The following STT3B variants were observed in gnomAD, a reference collection of about 807,000 sequenced individuals.
The protein encoded by STT3B is dolichyl-diphosphooligosaccharide--protein glycosyltransferase subunit STT3B.
A neutral mutation model predicts 96.8 loss-of-function variants in STT3B; 29 were observed. The ratio of observed to expected loss-of-function variants is 0.30; its 90% CI spans 0.22 to 0.41. STT3B has a LOEUF of 0.41. Among genes scored for constraint, STT3B ranks in the 10% least tolerant of loss-of-function variants. The probability of loss-of-function intolerance (pLI) is 1.00; values close to 1 mark genes in which losing one functional copy is unlikely to be tolerated. For synonymous variants in STT3B, 367 were observed against 360.0 expected, an observed-to-expected ratio of 1.02 and a Z score of -0.22; for missense variants, 640 against 1,022.3, an observed-to-expected ratio of 0.63 and a Z score of 5.10.
At chr3:31,617,873 A>C in intron 7 of STT3B, 67 bp from the exon 8 acceptor site, 2 of 1,066,964 alleles carry the variant, frequency 1.9e-6, no homozygotes, top group Non-Finnish European at 2.9e-6. Context: ...AATAAACATA[A>C]AGGCAATAAA....
At chr3:31,549,101 T>A (rs1433634919) in intron 1 of STT3B, among the ~76,000 whole-genome samples, 2 of 152,152 alleles carry the variant, frequency 1.3e-5, no homozygotes, top group Non-Finnish European at 2.9e-5. Context: ...AGATGTTTTA[T>A]TTGATAGATG....
At position 31,564,112 on chromosome 3, in the gene STT3B, A is replaced by G. The variant is rs550968393; in HGVS notation, c.315-12284A>G. Among the ~76,000 whole-genome samples, 161 of 152,298 alleles carry G rather than the reference A, an allele frequency of 1.1e-3. 2 individuals carry two copies. The highest frequency in any genetic ancestry group is 3.7e-3 in the African/African-American group (155 of 41,570). ...TTAATTAAACCAGTTACACTATTTTAGTGCCCTCTATCTGAATAGTATATT... is the reference window on the plus strand; with the variant it reads ...TTAATTAAACCAGTTACACTATTTTGGTGCCCTCTATCTGAATAGTATATT... On this transcript the variant is annotated intron_variant, in intron 1 of 15. Transcript: ENST00000295770.
At chr3:31,533,383 A>C in intron 1 of STT3B, 71 bp downstream of exon 1, 1 of 1,389,544 alleles carries the variant, frequency 7.2e-7, no homozygotes, top group East Asian at 3.3e-5. Flanking sequence ...CGCCCGCCGC[A>C]GCTCTCCTCG....
intron 1 of STT3B, among the ~76,000 whole-genome samples, chr3:31,563,841 G>C (rs1697937824): frequency 6.6e-6 from 1 of 152,162 alleles, no homozygotes; most frequent in African/African-American, 2.4e-5. Flanking sequence ...GTCTTGCTCT[G>C]TCACCCAGGC....
chr3:31,554,191 C>T (rs1697636953), intron 1 of STT3B, among the ~76,000 whole-genome samples: 1 of 152,118 alleles, frequency 6.6e-6, no homozygotes, highest in Non-Finnish European at 1.5e-5. Context: ...TTTTAAGAAA[C>T]AAATTGTGGT....
At chr3:31,603,196 G>A (rs530918169) in intron 5 of STT3B, among the ~76,000 whole-genome samples, 130 of 152,174 alleles carry the variant, frequency 8.5e-4, no homozygotes, top group African/African-American at 2.9e-3. Flanking sequence ...TAAATGACTT[G>A]AATTATTTTA....
intron 2 of STT3B, among the ~76,000 whole-genome samples, chr3:31,579,477 TAAAAAAAAAAAAAAA>T (rs1173591549): frequency 1.2e-4 from 8 of 67,446 alleles, no homozygotes; most frequent in South Asian, 7.3e-4. Flanking sequence ...CCTGTTTTGA[TAAAAAAAAAAAAAAA>T]AAAAAAAAAA....
intron 1 of STT3B, among the ~76,000 whole-genome samples, chr3:31,555,325 A>C (rs1575411597): frequency 6.6e-6 from 1 of 152,124 alleles, no homozygotes; most frequent in South Asian, 2.1e-4. Flanking sequence ...AAACCTATGA[A>C]AAGATAAAAA....
intron 1 of STT3B, among the ~76,000 whole-genome samples, chr3:31,535,818 A>C (rs1397108325): frequency 6.6e-6 from 1 of 152,218 alleles, no homozygotes; most frequent in African/African-American, 2.4e-5. Context: ...ATTTGAAAGT[A>C]TACATCTCTG....
At chr3:31,583,057 A>G (rs186735394) in intron 3 of STT3B, among the ~76,000 whole-genome samples, 1 of 152,226 alleles carries the variant, frequency 6.6e-6, no homozygotes, top group East Asian at 1.9e-4. Flanking sequence ...TTTTAGACCT[A>G]GTTGGTTTGT....
rs1698998346 is a variant in STT3B at position 31,604,233 on chromosome 3, A to G, written c.877+3774A>G. Among the ~76,000 whole-genome samples, 6 of 152,264 alleles carry G rather than the reference A, an allele frequency of 3.9e-5. No individual in the cohort carries two copies. The South Asian group carries it at 1.2e-3, about 32-fold the overall frequency. ...GAACCGTCATTAAAGTTTTTTGAAC[A>G]TACTACCTACTTTAGTTCTGTACAA... On this transcript the variant is annotated intron_variant, in intron 5 of 15. Transcript: ENST00000295770.
chr3:31,580,216 A>G, intron 3 of STT3B, 120 bp downstream of exon 3: 1 of 910,754 alleles, frequency 1.1e-6, no homozygotes. Context: ...GATCTGTATT[A>G]CTGTTCATAA....
Position 31,532,956 on chromosome 3 carries a change from C to A in STT3B, c.-43C>A, listed in dbSNP as rs757503501. On this transcript the variant is annotated 5_prime_UTR_variant, in exon 1 of 16. Coordinates refer to ENST00000295770, the MANE Select transcript of STT3B (RefSeq NM_178862.3). ...GCCCAGCACCCCTCGCACCAGGCGGCGGCGGCGGAGGAGGAGAGCTAGACC... is the reference window on the plus strand; with the variant it reads ...GCCCAGCACCCCTCGCACCAGGCGGAGGCGGCGGAGGAGGAGAGCTAGACC... 3 of 1,550,984 alleles carry A rather than the reference C, an allele frequency of 1.9e-6. No individual in the cohort carries two copies. The highest frequency in any genetic ancestry group is 2.3e-5 in the South Asian group (2 of 85,164).
intron 15 of STT3B, among the ~76,000 whole-genome samples, chr3:31,633,861 A>G (rs1402327811): frequency 1.3e-5 from 2 of 152,166 alleles, no homozygotes; most frequent in Non-Finnish European, 2.9e-5. Context: ...ATAAGGTACT[A>G]TCCTTATAAT....
intron 3 of STT3B, 136 bp from the exon 4 acceptor site, chr3:31,596,662 A>G (rs1417006385): frequency 6.3e-6 from 4 of 639,576 alleles, no homozygotes; most frequent in African/African-American, 1.8e-5. Context: ...GTATGTCTGC[A>G]TATCTGAATA....
intron 1 of STT3B, among the ~76,000 whole-genome samples, chr3:31,564,447 G>C (rs1055673570): frequency 1.3e-5 from 2 of 152,192 alleles, no homozygotes; most frequent in Non-Finnish European, 2.9e-5. Flanking sequence ...CCTTGAGTAA[G>C]AGCAGGTTAC....
intron 3 of STT3B, among the ~76,000 whole-genome samples, chr3:31,589,278 T>C (rs898295102): frequency 2.6e-5 from 4 of 152,098 alleles, no homozygotes; most frequent in Non-Finnish European, 5.9e-5. Flanking sequence ...AGTTTAACTT[T>C]CATGTATTAA....
intron 1 of STT3B, among the ~76,000 whole-genome samples, chr3:31,575,795 C>T (rs1698251001): frequency 6.6e-6 from 1 of 152,024 alleles, no homozygotes; most frequent in Non-Finnish European, 1.5e-5. Context: ...TTCCCCTGCC[C>T]ATGACAGCTG....
At chr3:31,605,562 C>T (rs1178994892) in intron 5 of STT3B, among the ~76,000 whole-genome samples, 1 of 152,194 alleles carries the variant, frequency 6.6e-6, no homozygotes, top group African/African-American at 2.4e-5. Context: ...TCTTGGTTTT[C>T]ATTTCCCTCT....
Sources: allele counts gnomAD v4.1 joint callset (sites outside exome capture counted in the v4.1 genomes callset), GRCh38; gene constraint gnomAD v4.1.1; transcripts MANE v1.5; gene names NCBI Gene and HGNC (gene_info 2026-07-23, HGNC 2026-07-21).